The following AXIN2 variants were observed in gnomAD, a reference collection of about 807,000 sequenced individuals.
AXIN2 encodes the protein axin 2.
Under a neutral mutation model 74.7 loss-of-function variants are expected in AXIN2, and 21 were observed. The observed-to-expected ratio is 0.28, with a 90% confidence interval of 0.20 to 0.40. The LOEUF (loss-of-function observed/expected upper bound fraction) is 0.40, where lower values mean the gene tolerates loss of function less well. AXIN2 is among the 10% of genes least tolerant of loss of function. The pLI is 1.00. For synonymous variants in AXIN2, 532 were observed against 454.9 expected (o/e 1.17, Z -2.16); for missense variants, 1,144 against 1,111.1 (o/e 1.03, Z -0.42).
At chr17:65,538,771 A>G (rs1329934867) in intron 4 of AXIN2, among the ~76,000 whole-genome samples, 1 of 150,848 alleles carries the variant, frequency 6.6e-6, no homozygotes, top group Non-Finnish European at 1.5e-5. Flanking sequence ...TCTAAACAGA[A>G]AGAGAGTTGA....
At chr17:65,547,142 G>C (rs943744704) in intron 3 of AXIN2, among the ~76,000 whole-genome samples, 1 of 152,208 alleles carries the variant, frequency 6.6e-6, no homozygotes, top group African/African-American at 2.4e-5. Flanking sequence ...TTTTCTTCTG[G>C]GAAGGGGATA....
chr17:65,538,128 C>T (rs530046280), intron 5 of AXIN2, 75 bp downstream of exon 5: 3 of 1,605,974 alleles, frequency 1.9e-6, no homozygotes, highest in Non-Finnish European at 2.5e-6. Context: ...CCTAACGCAC[C>T]CCATGCACAT....
At chr17:65,542,689 A>G (rs2044061315) in intron 3 of AXIN2, among the ~76,000 whole-genome samples, 1 of 152,198 alleles carries the variant, frequency 6.6e-6, no homozygotes, top group African/African-American at 2.4e-5. Context: ...TTCCAGAAAG[A>G]ATTTCCTTCT....
intron 2 of AXIN2, among the ~76,000 whole-genome samples, chr17:65,550,361 G>C: frequency 6.6e-6 from 1 of 152,164 alleles, no homozygotes; most frequent in East Asian, 1.9e-4. Flanking sequence ...GAGCAACACA[G>C]CTGTTTCAAA....
intron 2 of AXIN2, among the ~76,000 whole-genome samples, chr17:65,557,298 T>C (rs776979974): frequency 3.9e-5 from 6 of 152,174 alleles, no homozygotes; most frequent in Non-Finnish European, 4.4e-5. Context: ...GTTAAGCCAA[T>C]TGCTGGCTCT....
Position 65,536,337 on chromosome 17 carries a change from C to T in AXIN2, c.2124G>A (p.Ser708=), listed in dbSNP as rs143243661. ...EEACRRLAEV[S]KPPKQRCCVA... ...CCACTCACCGCTGCTTTGGGGGCTTCGACACCTCAGCTAGCCTGCGACAGG... is the reference window on the plus strand; with the variant it reads ...CCACTCACCGCTGCTTTGGGGGCTTTGACACCTCAGCTAGCCTGCGACAGG... Residue 708 remains serine, a synonymous_variant, in exon 8 of 11, where the codon TCG becomes TCA. Coordinates refer to ENST00000307078, the MANE Select transcript of AXIN2 (RefSeq NM_004655.4). The T allele has an allele frequency of 1.7e-5, 27 of 1,611,782 alleles. No individual in the cohort carries two copies. The highest frequency in any genetic ancestry group is 4.5e-5 in the East Asian group (2 of 44,856).
In AXIN2 at chr17:65,558,678, C is replaced by T; in HGVS notation, c.-58G>A. On this transcript the variant is annotated 5_prime_UTR_variant, in exon 2 of 11. Coordinates refer to ENST00000307078, the MANE Select transcript of AXIN2 (RefSeq NM_004655.4). Reference sequence around the variant, plus strand: ...TTTTTCTTCTTCCAGTTCCTCTCAGCAATCGGCGTGGTCTCTCTGTCTCTC... The same window carrying T: ...TTTTTCTTCTTCCAGTTCCTCTCAGTAATCGGCGTGGTCTCTCTGTCTCTC... The T allele has an allele frequency of 6.5e-7, 1 of 1,535,700 alleles. No homozygotes were observed. The highest frequency in any genetic ancestry group is 8.8e-7 in the Non-Finnish European group (1 of 1,137,150).
At chr17:65,551,806 G>C (rs973134827) in intron 2 of AXIN2, among the ~76,000 whole-genome samples, 2 of 152,216 alleles carry the variant, frequency 1.3e-5, no homozygotes, top group Non-Finnish European at 2.9e-5. Flanking sequence ...CAAAGGCCTT[G>C]TCAGACTTGG....
intron 10 of AXIN2, among the ~76,000 whole-genome samples, chr17:65,531,371 T>C (rs2043812851): frequency 6.6e-6 from 1 of 151,868 alleles, no homozygotes; most frequent in Non-Finnish European, 1.5e-5. Flanking sequence ...AACAACGGCA[T>C]GGCTCTGACT....
At chr17:65,549,764 A>C in intron 2 of AXIN2, 104 bp from the exon 3 acceptor site, 2 of 1,424,110 alleles carry the variant, frequency 1.4e-6, no homozygotes, top group Non-Finnish European at 1.9e-6. Flanking sequence ...CAATCTGCTC[A>C]ACGCCAACCT....
At chr17:65,534,272 A>G (rs1275737576) in intron 9 of AXIN2, among the ~76,000 whole-genome samples, 193 bp from the exon 10 acceptor site, 4 of 152,242 alleles carry the variant, frequency 2.6e-5, no homozygotes, top group Admixed American at 2.0e-4. Flanking sequence ...CACACAGTCC[A>G]ACCCCACATG....
chr17:65,561,239 TACGCGCCGGCC>T (rs1474603325), intron 1 of AXIN2, 200 bp downstream of exon 1: 1 of 146,760 alleles, frequency 6.8e-6, no homozygotes, highest in Non-Finnish European at 1.5e-5. Context: ...GAAAGGGAGG[TACGCGCCGGCC>T]GCGCCCCGGG....
At chr17:65,545,206 CTGACTTAGCTTTCA>C (rs1169934314) in intron 3 of AXIN2, among the ~76,000 whole-genome samples, 1 of 152,174 alleles carries the variant, frequency 6.6e-6, no homozygotes, top group African/African-American at 2.4e-5. Flanking sequence ...CTCCACACCA[CTGACTTAGCTTTCA>C]TGATTCCTGG....
At chr17:65,541,037 A>G (rs934673405) in intron 4 of AXIN2, among the ~76,000 whole-genome samples, 1 of 152,034 alleles carries the variant, frequency 6.6e-6, no homozygotes, top group African/African-American at 2.4e-5. Context: ...TCACCACGCT[A>G]GGCTAATTTT....
intron 2 of AXIN2, among the ~76,000 whole-genome samples, chr17:65,553,204 C>A (rs561685500): frequency 1.3e-5 from 2 of 152,174 alleles, no homozygotes; most frequent in African/African-American, 4.8e-5. Flanking sequence ...TGTCCTCACA[C>A]GAATCTCCGA....
At chr17:65,561,124 C>G (rs938595233) in intron 1 of AXIN2, 5 of 149,994 alleles carry the variant, frequency 3.3e-5, no homozygotes, top group African/African-American at 1.2e-4. Flanking sequence ...GGTCCTGTTT[C>G]CAGCAGTCAC....
chr17:65,544,428 G>T (rs933154168), intron 3 of AXIN2, among the ~76,000 whole-genome samples: 1 of 146,336 alleles, frequency 6.8e-6, no homozygotes, highest in Non-Finnish European at 1.5e-5. Context: ...GCAGGTGAAG[G>T]ACTAAACTGC....
At chr17:65,560,424 G>C (rs2044348730) in intron 1 of AXIN2, 1 of 149,364 alleles carries the variant, frequency 6.7e-6, no homozygotes, top group South Asian at 2.1e-4. Context: ...AGGAGAGGCG[G>C]GGGGCGGGGG....
Position 65,537,021 on chromosome 17 carries a change from G to A in AXIN2, c.1755C>T (p.Gly585=), listed in dbSNP as rs2043936431. 1 of 1,610,422 alleles carries A rather than the reference G, an allele frequency of 6.2e-7. No individual in the cohort carries two copies. The highest frequency in any genetic ancestry group is 8.5e-7 in the Non-Finnish European group (1 of 1,179,898). Residue 585 remains glycine, a synonymous_variant, in exon 7 of 11, where the codon GGC becomes GGT. Transcript: ENST00000307078. ...CGGGCAGGGCCAGGCCCGGCTCCGT[G>A]CCTTTCCCATTGCGTTTGGGCAAGG... is the stretch of plus-strand genomic sequence containing the variant. ...GSTLPKRNGK[G]TEPGLALPAR... is the part of the protein sequence containing the mutation.
Sources: allele counts gnomAD v4.1 joint callset (sites outside exome capture counted in the v4.1 genomes callset), GRCh38; gene constraint gnomAD v4.1.1; transcripts MANE v1.5; gene names NCBI Gene and HGNC (gene_info 2026-07-23, HGNC 2026-07-21).